The following TTN variants were observed in gnomAD, a reference collection of about 807,000 sequenced individuals.
The protein encoded by TTN is titin.
In TTN, 1,525 loss-of-function variants were observed where a neutral mutation model predicts 3,223.0. The ratio of observed to expected loss-of-function variants is 0.47; its 90% CI spans 0.45 to 0.49. The LOEUF (loss-of-function observed/expected upper bound fraction) is 0.49. Among genes scored for constraint, TTN ranks in the 20% least tolerant of loss-of-function variants. The pLI is 0.00. For synonymous variants in TTN, 14,094 were observed against 15,161.0 expected, an observed-to-expected ratio of 0.93 and a Z score of 5.17; for missense variants, 40,786 against 43,424.0, an observed-to-expected ratio of 0.94 and a Z score of 5.40.
intron 69 of TTN, 136 bp from the exon 70 acceptor site, chr2:178,726,182 G>A: frequency 1.9e-6 from 2 of 1,032,998 alleles, no homozygotes; most frequent in Non-Finnish European, 2.6e-6. Context: ...ACACTCTCAT[G>A]GGATAACAGC....
Position 178,719,333 on chromosome 2 carries a change from A to T in TTN, c.24057T>A (p.Phe8019Leu). ...CACTAACAATCTCATTTCCATCCTG[A>T]AACCAGCCAACTGAAATCGGGGCTG... Reference protein sequence around the residue: ...SGSAPISVGWFQDGNEIVSGP... With the variant: ...SGSAPISVGWLQDGNEIVSGP... Residue 8019 changes from phenylalanine to leucine, a missense_variant, in exon 83 of 363, where the codon TTT becomes TTA. By Grantham distance (22) the Phe-to-Leu change is conservative. Transcript: ENST00000589042. 6.2e-7 allele frequency: 1 copy of T among 1,613,802 alleles called. No homozygotes were observed. Among genetic ancestry groups the T allele is most frequent in the Non-Finnish European group, 8.5e-7 (1 of 1,179,746 alleles).
Position 178,783,048 on chromosome 2 carries a change from G to C in TTN, c.2858C>G (p.Thr953Ser), listed in dbSNP as rs72647865. 6.2e-6 allele frequency: 10 copies of C among 1,614,036 alleles called. No individual in the cohort carries two copies. The highest frequency in any genetic ancestry group is 1.1e-5 in the South Asian group (1 of 91,082). The change falls in exon 18 of 363, where the codon ACT becomes AGT. Residue 953 changes from threonine to serine, a missense_variant. By Grantham distance (58) the Thr-to-Ser change is moderately conservative (BLOSUM62 1). Coordinates refer to ENST00000589042, the MANE Select transcript of TTN (RefSeq NM_001267550.2). ...GGTGACAGATTCACCTTCTATGACAGTCACATTTTTTAAGCCCTGAAGAGA... is the reference window on the plus strand; with the variant it reads ...GGTGACAGATTCACCTTCTATGACACTCACATTTTTTAAGCCCTGAAGAGA... Reference protein sequence around the residue: ...PTLVSGLKNVTVIEGESVTLE... With the variant: ...PTLVSGLKNVSVIEGESVTLE...
At chr2:178,746,341 A>T (rs1254727446) in intron 47 of TTN, 2 of 1,612,346 alleles carry the variant, frequency 1.2e-6, no homozygotes, top group South Asian at 2.2e-5. Flanking sequence ...GATCTACAAA[A>T]TTAAATGGAA....
Position 178,722,523 on chromosome 2 carries a change from C to G in TTN, c.22264G>C (p.Ala7422Pro). Reference protein sequence around the residue: ...IQERQLPPSFARQLKDIEQTV... With the variant: ...IQERQLPPSFPRQLKDIEQTV... ...TGTTCAATGTCCTTTAATTGTCTTG[C>G]AAAAGAAGGTGGGAGTTGGCGCTCT... Residue 7422 changes from alanine (A) to proline (P), a missense_variant, in exon 77 of 363, where the codon GCA becomes CCA. Transcript: ENST00000589042. 1.2e-6 allele frequency: 2 copies of G among 1,611,910 alleles called. No homozygotes were observed. Among genetic ancestry groups the G allele is most frequent in the Non-Finnish European group, 1.7e-6 (2 of 1,178,726 alleles).
Position 178,666,910 on chromosome 2 carries a change from A to G in TTN, c.35798-9T>C. The G allele has an allele frequency of 6.6e-7, 1 of 1,525,026 alleles. No individual in the cohort carries two copies. Among genetic ancestry groups the G allele is most frequent in the Non-Finnish European group, 8.8e-7 (1 of 1,139,320 alleles). 94.5% of individuals were successfully genotyped at this position (1,525,026 alleles called of 1,614,324 possible). ...CTTGAAGACTTCAAACTCTTTAAAG[A>G]TATTAGTATTTTTTTTAATTGAGAA... On this transcript the variant is annotated splice_polypyrimidine_tract_variant and intron_variant, in intron 162 of 362. Coordinates refer to ENST00000589042, the MANE Select transcript of TTN (RefSeq NM_001267550.2).
At chr2:178,586,483 A>G (rs751590275) in intron 308 of TTN, 22 bp downstream of exon 308, 1 of 1,609,190 alleles carries the variant, frequency 6.2e-7, no homozygotes. Flanking sequence ...CACATGACAT[A>G]AATGAAGCAA....
At chr2:178,806,484 T>C (rs2094326283) in intron 1 of TTN, among the ~76,000 whole-genome samples, 1 of 152,240 alleles carries the variant, frequency 6.6e-6, no homozygotes, top group South Asian at 2.1e-4. Flanking sequence ...ATAATTGGAC[T>C]GTGTGCTGAG....
At position 178,728,167 on chromosome 2, in the gene TTN, A is replaced by G. The variant is rs377449031; in HGVS notation, c.19657T>C (p.Cys6553Arg). Residue 6553 changes from cysteine (C) to arginine (R), a missense_variant, in exon 67 of 363, where the codon TGC becomes CGC. Cys to Arg is a radical substitution (Grantham distance 180). Coordinates refer to ENST00000589042, the MANE Select transcript of TTN (RefSeq NM_001267550.2). ...TCTCCTGCTACATTTGACACTTTGC[A>G]TGTGTAATTTGCAGTATCTTCTAAT... ...LELEDTANYT[C>R]KVSNVAGDDA... is the part of the protein sequence containing the mutation. 6.2e-7 allele frequency: 1 copy of G among 1,610,902 alleles called. No homozygotes were observed. The highest frequency in any genetic ancestry group is 8.5e-7 in the Non-Finnish European group (1 of 1,178,132).
In TTN at chr2:178,653,061, G is replaced by T. The variant is rs757169092; in HGVS notation, c.38855C>A (p.Pro12952His). The change falls in exon 199 of 363, where the codon CCT becomes CAT. Residue 12952 changes from proline to histidine, a missense_variant. Coordinates refer to ENST00000589042, the MANE Select transcript of TTN (RefSeq NM_001267550.2). ...KKVPVTPPKK[P>H]EVPPVKVPEA... is the part of the protein sequence containing the mutation. The stretch of plus-strand genomic sequence containing the variant: ...AATACCTTTAACAGGTGGGACTTCA[G>T]GTTTTTTAGGAGGAGTCACTGGCAC... The T allele has an allele frequency of 4.3e-6, 7 of 1,613,188 alleles. No homozygotes were observed. The highest frequency in any genetic ancestry group is 1.7e-4 in the Middle Eastern group (1 of 5,996).
chr2:178,743,762 T>C (rs2082922498), intron 47 of TTN, among the ~76,000 whole-genome samples: 1 of 152,028 alleles, frequency 6.6e-6, no homozygotes, highest in Non-Finnish European at 1.5e-5. Context: ...AATAAATCTC[T>C]AAGTTCCTAA....
In TTN at chr2:178,773,901, C is replaced by T; in HGVS notation, c.7267G>A (p.Gly2423Arg). The T allele has an allele frequency of 1.2e-6, 2 of 1,614,070 alleles. No homozygotes were observed. Among genetic ancestry groups the T allele is most frequent in the Non-Finnish European group, 1.7e-6 (2 of 1,179,982 alleles). The change falls in exon 31 of 363, where the codon GGA (glycine) becomes AGA (arginine). Residue 2423 changes from glycine to arginine, a missense_variant. By Grantham distance (125) the Gly-to-Arg change is moderately radical (BLOSUM62 -2). Transcript: ENST00000589042. ...GCTGGAATGGTGAAAGAGTAATTTCCAGCATCTTCCTTAGTCATGTCTTCA... is the reference window on the plus strand; with the variant it reads ...GCTGGAATGGTGAAAGAGTAATTTCTAGCATCTTCCTTAGTCATGTCTTCA... Reference protein sequence around the residue: ...LIEDMTKEDAGNYSFTIPALG... With the variant: ...LIEDMTKEDARNYSFTIPALG...
At position 178,577,219 on chromosome 2, in the gene TTN, T is replaced by A. The variant is rs368468760; in HGVS notation, c.69116A>T (p.Asp23039Val). 11 of 1,612,940 alleles carry A rather than the reference T, an allele frequency of 6.8e-6. 1 individual carries two copies. The African/African-American group carries it at 8.0e-5, about 12-fold the overall frequency. Residue 23039 changes from aspartate (D) to valine (V), a missense_variant, in exon 324 of 363, where the codon GAT becomes GTT. Physicochemically the swap from Asp to Val is radical, Grantham distance 152. Coordinates refer to ENST00000589042, the MANE Select transcript of TTN (RefSeq NM_001267550.2). ...AACAGGACCTGGGGGACCAGGTACA[T>A]CAAGGACTGTTACCTTCACATGTTC... ...KVEHVKVTVL[D>V]VPGPPGPVEI...
chr2:178,540,803 C>A (rs1018721357), intron 350 of TTN, among the ~76,000 whole-genome samples: 1 of 151,862 alleles, frequency 6.6e-6, no homozygotes, highest in East Asian at 1.9e-4. Context: ...CTCAAAAAAA[C>A]ACAAAAAAAC....
chr2:178,551,175 A>C lies in TTN; in HGVS notation c.91356T>G (p.Ser30452Arg). The C allele has an allele frequency of 2.5e-6, 4 of 1,613,434 alleles. No homozygotes were observed. Among genetic ancestry groups the C allele is most frequent in the Non-Finnish European group, 3.4e-6 (4 of 1,179,652 alleles). The part of the protein sequence containing the change: ...KWNPPLRDGG[S>R]KIVGYSIEKR... ...TCTCAATGCTATAGCCCACAATCTT[A>C]CTGCCTCCATCACGCAATGGTGGGT... Residue 30452 changes from serine (S) to arginine (R), a missense_variant, in exon 336 of 363, where the codon AGT (serine) becomes AGG (arginine). By Grantham distance (110) the Ser-to-Arg change is moderately radical (BLOSUM62 -1). Coordinates refer to ENST00000589042, the MANE Select transcript of TTN (RefSeq NM_001267550.2).
At position 178,663,042 on chromosome 2, in the gene TTN, C is replaced by T. The variant is rs1200061338; in HGVS notation, c.36714G>A (p.Leu12238=). 1 of 1,607,732 alleles carries T rather than the reference C, an allele frequency of 6.2e-7. No homozygotes were observed. Among genetic ancestry groups the T allele is most frequent in the Non-Finnish European group, 8.5e-7 (1 of 1,177,790 alleles). Residue 12238 remains leucine, a synonymous_variant, in exon 174 of 363, where the codon CTG becomes CTA. Transcript: ENST00000589042. ...TTTCTGGGACCACTTCCTTCGGTGG[C>T]AGCACTTCAGGCACTTCAAAGATAT... is the stretch of plus-strand genomic sequence containing the variant. ...ESPPPEVPEV[L]PPKEVVPEKK...
chr2:178,681,391 G>C lies in TTN; in HGVS notation c.33232C>G (p.Pro11078Ala). The C allele has an allele frequency of 1.9e-6, 3 of 1,612,282 alleles. No homozygotes were observed. Among genetic ancestry groups the C allele is most frequent in the Non-Finnish European group, 2.5e-6 (3 of 1,178,872 alleles). ...VPVPIPKKLKPPPPKVPEEPK... is the reference protein window; with the variant it reads ...VPVPIPKKLKAPPPKVPEEPK... ...AGTAATGTACCTTTGGGTGGTGGAGGTTTGAGTTTCTTAGGAATGGGCACT... is the reference window on the plus strand; with the variant it reads ...AGTAATGTACCTTTGGGTGGTGGAGCTTTGAGTTTCTTAGGAATGGGCACT... The change falls in exon 137 of 363, where the codon CCT (proline) becomes GCT (alanine). Residue 11078 changes from proline to alanine, a missense_variant. Physicochemically the swap from Pro to Ala is conservative, Grantham distance 27. Coordinates refer to ENST00000589042, the MANE Select transcript of TTN (RefSeq NM_001267550.2).
Position 178,780,128 on chromosome 2 carries a change from T to C in TTN, c.3601A>G (p.Lys1201Glu), listed in dbSNP as rs10497520. 1,284,560 of 1,613,524 alleles carry C rather than the reference T, an allele frequency of 0.8. 533,853 individuals carry two copies. Among genetic ancestry groups the C allele is most frequent in the Non-Finnish European group, 0.87 (1,027,946 of 1,179,762 alleles). ...AATCCAGGTGCTGTTTCTCCAACTTTAGGTTCTTGAACAAATGCAGTCACT... is the reference window on the plus strand; with the variant it reads ...AATCCAGGTGCTGTTTCTCCAACTTCAGGTTCTTGAACAAATGCAGTCACT... ...TQVTAFVQEP[K>E]VGETAPGFVY... The change falls in exon 22 of 363, where the codon AAA becomes GAA. Residue 1201 changes from lysine (K) to glutamate (E), a missense_variant. Physicochemically the swap from Lys to Glu is moderately conservative, Grantham distance 56. Transcript: ENST00000589042.
At chr2:178,724,816 T>C (rs1184332769) in intron 71 of TTN, 1 of 289,746 alleles carries the variant, frequency 3.5e-6, no homozygotes, top group Non-Finnish European at 6.3e-6. Context: ...TATATGTTCG[T>C]GCATGACTCA....
At chr2:178,630,702 G>A (rs2059698623) in intron 238 of TTN, 102 bp downstream of exon 238, 1 of 1,483,608 alleles carries the variant, frequency 6.7e-7, no homozygotes, top group Admixed American at 2.2e-5. Flanking sequence ...TAGAGAAACT[G>A]CTATCATGTT....
Sources: gnomAD v4.1 joint callset for allele counts (sites outside exome capture counted in the v4.1 genomes callset) on GRCh38, gnomAD v4.1.1 for gene constraint, MANE v1.5 for transcripts, NCBI Gene and HGNC (gene_info 2026-07-23, HGNC 2026-07-21) for gene names.